The following ATP2B4 variants were observed in gnomAD, a reference collection of about 807,000 sequenced individuals.
The protein encoded by ATP2B4 is plasma membrane calcium-transporting ATPase 4.
Under a neutral mutation model 110.3 loss-of-function variants are expected in ATP2B4, and 39 were observed. That is an observed-to-expected ratio of 0.35 (90% CI 0.27 to 0.46). The LOEUF is 0.46. Ranked by LOEUF, ATP2B4 falls within the 20% of genes least tolerant of loss-of-function variation. The pLI, the probability that ATP2B4 is intolerant of heterozygous loss-of-function variation, is 1.00. For synonymous variants in ATP2B4, 538 were observed against 571.7 expected (o/e 0.94, Z 0.84); for missense variants, 1,135 against 1,530.9 (o/e 0.74, Z 4.32).
chr1:203,720,860 C>G, intron 16 of ATP2B4, 120 bp downstream of exon 16: 2 of 1,186,682 alleles, frequency 1.7e-6, no homozygotes, highest in Non-Finnish European at 2.3e-6. Flanking sequence ...GACATTGGGA[C>G]AGGAGTTAGC....
rs1159646242 is a variant in ATP2B4, at chr1:203,740,264, C to T, written c.*410C>T. 1 of 176,068 alleles carries T rather than the reference C, an allele frequency of 5.7e-6. No individual in the cohort carries two copies. The highest frequency in any genetic ancestry group is 1.5e-4 in the East Asian group (1 of 6,812). The allele number at this position is 176,068 out of a possible 1,614,324, so 10.9% of individuals were successfully genotyped here. A position where few individuals can be genotyped will look rare whatever the true frequency, so the allele number is the denominator to read the frequency against. On this transcript the variant is annotated 3_prime_UTR_variant, in exon 21 of 21. Transcript: ENST00000357681. Reference sequence around the variant, plus strand: ...AGGGTTCAGAGGGAGACAAATATCCCCAAGTGAAATATGTTGCGGTAGAGA... The same window carrying T: ...AGGGTTCAGAGGGAGACAAATATCCTCAAGTGAAATATGTTGCGGTAGAGA...
At position 203,698,146 on chromosome 1, in the gene ATP2B4, C is replaced by T; in HGVS notation, c.194-11C>T. The stretch of plus-strand genomic sequence containing the variant: ...CCTACATTCATTCATCCACTCCTAT[C>T]TCCTTTTCAGGTCTGTCTGGGAACC... On this transcript the variant is annotated splice_polypyrimidine_tract_variant and intron_variant, in intron 2 of 20. Transcript: ENST00000357681. The T allele has an allele frequency of 6.2e-7, 1 of 1,613,984 alleles. No individual in the cohort carries two copies. Among genetic ancestry groups the T allele is most frequent in the Non-Finnish European group, 8.5e-7 (1 of 1,179,910 alleles).
intron 19 of ATP2B4, among the ~76,000 whole-genome samples, chr1:203,724,244 G>A (rs1041113771): frequency 6.6e-6 from 1 of 152,180 alleles, no homozygotes; most frequent in East Asian, 1.9e-4. Flanking sequence ...TTGGCTGGGC[G>A]CAGTGGCTCA....
At chr1:203,687,084 C>A (rs1665216739) in intron 2 of ATP2B4, among the ~76,000 whole-genome samples, 1 of 143,848 alleles carries the variant, frequency 7.0e-6, no homozygotes, top group African/African-American at 2.6e-5. Flanking sequence ...AGCAGTTCTT[C>A]TGCCTCACCA....
intron 16 of ATP2B4, 98 bp from the exon 17 acceptor site, chr1:203,721,099 T>G (rs1666307453): frequency 7.7e-7 from 1 of 1,294,774 alleles, no homozygotes; most frequent in East Asian, 2.3e-5. Flanking sequence ...GTGGCCAGAT[T>G]CCAAGTCTAG....
At chr1:203,686,745 G>A (rs1170991707) in intron 2 of ATP2B4, among the ~76,000 whole-genome samples, 1 of 123,458 alleles carries the variant, frequency 8.1e-6, no homozygotes, top group Non-Finnish European at 1.6e-5. Context: ...CCAAGCTGGA[G>A]TGTAATGGCG....
intron 20 of ATP2B4, among the ~76,000 whole-genome samples, chr1:203,729,181 T>G (rs1023523588): frequency 6.6e-6 from 1 of 151,290 alleles, no homozygotes; most frequent in Non-Finnish European, 1.5e-5. Context: ...ATAGGAGAGA[T>G]AGATGGAGTG....
At chr1:203,653,987 T>A (rs1288467079) in intron 1 of ATP2B4, among the ~76,000 whole-genome samples, 163 of 141,098 alleles carry the variant, frequency 1.2e-3, no homozygotes, top group African/African-American at 4.1e-3. Flanking sequence ...ATATATATAT[T>A]TTTTTTTTTT....
chr1:203,645,984 G>A (rs764415418), intron 1 of ATP2B4, among the ~76,000 whole-genome samples: 69 of 152,046 alleles, frequency 4.5e-4, no homozygotes, highest in East Asian at 3.3e-3. Context: ...ACCACGTTTC[G>A]AGGAGGGCTT....
intron 1 of ATP2B4, among the ~76,000 whole-genome samples, chr1:203,649,243 GT>G (rs1227738057): frequency 6.6e-6 from 1 of 152,146 alleles, no homozygotes; most frequent in South Asian, 2.1e-4. Context: ...TTCCAGTTAA[GT>G]GCGAATGATG....
At chr1:203,721,906 C>A (rs1339624873) in intron 17 of ATP2B4, among the ~76,000 whole-genome samples, 2 of 151,984 alleles carry the variant, frequency 1.3e-5, no homozygotes, top group Non-Finnish European at 2.9e-5. Context: ...TGTGATCTGC[C>A]CACCTCAGCC....
At chr1:203,723,440 C>CTG (rs71145017) in intron 18 of ATP2B4, among the ~76,000 whole-genome samples, 27 of 131,540 alleles carry the variant, frequency 2.1e-4, no homozygotes, top group Non-Finnish European at 4.0e-4. Context: ...CTCTCTCTCT[C>CTG]TCTCTCTCTC....
At chr1:203,631,041 TTC>T (rs371783269) in intron 1 of ATP2B4, among the ~76,000 whole-genome samples, 20 of 152,258 alleles carry the variant, frequency 1.3e-4, no homozygotes, top group African/African-American at 4.3e-4. Flanking sequence ...GACAGGGACT[TTC>T]TATTTCTGCC....
intron 1 of ATP2B4, chr1:203,656,867 C>T (rs567635535): frequency 5.5e-5 from 24 of 435,084 alleles, no homozygotes; most frequent in African/African-American, 4.1e-4. Context: ...TAATAAATCT[C>T]TTGATTGCAG....
chr1:203,631,832 TC>T (rs1455379257), intron 1 of ATP2B4, among the ~76,000 whole-genome samples: 6 of 152,310 alleles, frequency 3.9e-5, no homozygotes, highest in African/African-American at 1.4e-4. Flanking sequence ...TCTCGCTCTG[TC>T]GCCCAGGCTG....
intron 14 of ATP2B4, among the ~76,000 whole-genome samples, 183 bp downstream of exon 14, chr1:203,713,435 A>G (rs1284330737): frequency 6.6e-6 from 1 of 152,102 alleles, no homozygotes. Context: ...ATGACACACA[A>G]TAAAGTTGTT....
rs117000504 is a variant in ATP2B4, at chr1:203,639,865, C to A, written c.-465+12646C>A. On this transcript the variant is annotated intron_variant, in intron 1 of 20. Coordinates refer to ENST00000357681, the MANE Select transcript of ATP2B4 (RefSeq NM_001684.5). Reference sequence around the variant, plus strand: ...AATGGTACTGAGAAATAGAACAATACCTCTCCAGAGAAGCCCTCCAGTTCC... The same window carrying A: ...AATGGTACTGAGAAATAGAACAATAACTCTCCAGAGAAGCCCTCCAGTTCC... Among the ~76,000 whole-genome samples the A allele has an allele frequency of 3.0e-4, 46 of 152,236 alleles. No individual in the cohort carries two copies. In the East Asian group the frequency reaches 7.3e-3, roughly 24 times the overall value.
rs748948582 is a variant in ATP2B4 at position 203,739,527 on chromosome 1, T to C, written c.3310-19T>C. Reference sequence around the variant, plus strand: ...CACCTCTCTATTTTCTCATCCTCCTTTTCCTTCCCCTGGTATAGATCAAAG... The same window carrying C: ...CACCTCTCTATTTTCTCATCCTCCTCTTCCTTCCCCTGGTATAGATCAAAG... On this transcript the variant is annotated intron_variant, in intron 20 of 20. Transcript: ENST00000357681. 6.3e-7 allele frequency: 1 copy of C among 1,598,638 alleles called. No homozygotes were observed. The highest frequency in any genetic ancestry group is 2.2e-5 in the East Asian group (1 of 44,626).
At chr1:203,633,131 TTG>T (rs1457422096) in intron 1 of ATP2B4, among the ~76,000 whole-genome samples, 1 of 152,158 alleles carries the variant, frequency 6.6e-6, no homozygotes, top group African/African-American at 2.4e-5. Context: ...TCATGACATG[TTG>T]TCACAGGAGC....
Sources: gnomAD v4.1 joint callset for allele counts (sites outside exome capture counted in the v4.1 genomes callset) on GRCh38, gnomAD v4.1.1 for gene constraint, MANE v1.5 for transcripts, NCBI Gene and HGNC (gene_info 2026-07-23, HGNC 2026-07-21) for gene names.